HS3ST2: variants seen among roughly 807,000 people sequenced by gnomAD.
HS3ST2 encodes the protein heparan sulfate glucosamine 3-O-sulfotransferase 2.
In HS3ST2, 17 loss-of-function variants were observed where a neutral mutation model predicts 26.3. The observed-to-expected ratio is 0.65, with a 90% confidence interval of 0.44 to 0.97. The LOEUF (loss-of-function observed/expected upper bound fraction) is 0.97, where lower values mean the gene tolerates loss of function less well. Ranked by LOEUF, HS3ST2 falls within the 50% of genes least tolerant of loss-of-function variation. The pLI, the probability that HS3ST2 is intolerant of heterozygous loss-of-function variation, is 0.00. For missense variants in HS3ST2, 402 were observed against 501.2 expected (o/e 0.80, Z 1.89); for synonymous variants, 237 against 219.2 (o/e 1.08, Z -0.72).
intron 1 of HS3ST2, among the ~76,000 whole-genome samples, chr16:22,845,065 A>G (rs1013715726): frequency 2.0e-5 from 3 of 148,006 alleles, no homozygotes; most frequent in Non-Finnish European, 4.4e-5. Context: ...TGTGTTAGTT[A>G]GGATGGTCTG....
intron 1 of HS3ST2, among the ~76,000 whole-genome samples, chr16:22,894,736 A>T (rs1188377171): frequency 7.4e-6 from 1 of 135,772 alleles, no homozygotes; most frequent in Non-Finnish European, 1.6e-5. Context: ...TCCGTCTCTT[A>T]AAAAAAAAAA....
At chr16:22,816,786 C>G (rs778111526) in intron 1 of HS3ST2, among the ~76,000 whole-genome samples, 1 of 152,224 alleles carries the variant, frequency 6.6e-6, no homozygotes, top group South Asian at 2.1e-4. Context: ...TGACCACATT[C>G]GAATGCAGGC....
chr16:22,915,135 C>T lies in HS3ST2; in HGVS notation c.677C>T (p.Pro226Leu). ...TQTLSKKPDI[P>L]TFEGLSFRNR... ...ACACTCTCCAAGAAGCCCGACATCC[C>T]GACCTTTGAGGGCCTCTCCTTCCGC... Residue 226 changes from proline (P) to leucine (L), a missense_variant, in exon 2 of 2, where the codon CCG (proline) becomes CTG (leucine). This residue lies in a region of HS3ST2 where 237 missense variants were observed against 346.6 expected (regional missense o/e 0.68). Coordinates refer to ENST00000261374, the MANE Select transcript of HS3ST2 (RefSeq NM_006043.2). 6.2e-6 allele frequency: 10 copies of T among 1,614,090 alleles called. No individual in the cohort carries two copies. Among genetic ancestry groups the T allele is most frequent in the Non-Finnish European group, 8.5e-6 (10 of 1,179,994 alleles).
chr16:22,843,869 T>C (rs1165542529), intron 1 of HS3ST2, among the ~76,000 whole-genome samples: 3 of 152,158 alleles, frequency 2.0e-5, no homozygotes, highest in Non-Finnish European at 4.4e-5. Context: ...GTGGGGAAGA[T>C]TAGAGTCCTG....
rs1307389512 is a variant in HS3ST2, at chr16:22,864,885, A to AAAAAAAAG, written c.485+49797_485+49798insGAAAAAAA. 2.2e-4 allele frequency among the ~76,000 whole-genome samples: 32 copies of AAAAAAAAG among 144,470 alleles called. No homozygotes were observed. In the South Asian group the frequency reaches 3.0e-3, roughly 14 times the overall value. The allele number at this position is 144,470 out of a possible 152,430, so 94.8% of individuals were successfully genotyped here. ...ACATAGGGAGACCCTGTCTCCACAAAAAAAAAAAAAAAAAAAATAGCCGGG... is the reference window on the plus strand; with the variant it reads ...ACATAGGGAGACCCTGTCTCCACAAAAAAAAAAGAAAAAAAAAAAAAAAAATAGCCGGG... On this transcript the variant is annotated intron_variant, in intron 1 of 1. Coordinates refer to ENST00000261374, the MANE Select transcript of HS3ST2 (RefSeq NM_006043.2).
intron 1 of HS3ST2, among the ~76,000 whole-genome samples, chr16:22,824,916 A>G (rs755234579): frequency 5.5e-4 from 84 of 152,176 alleles, no homozygotes; most frequent in Non-Finnish European, 3.8e-4. Context: ...AGGCTGATGG[A>G]GAGATGAGTG....
chr16:22,887,767 C>T (rs1159318818), intron 1 of HS3ST2, among the ~76,000 whole-genome samples: 2 of 139,584 alleles, frequency 1.4e-5, no homozygotes, highest in Non-Finnish European at 3.0e-5. Flanking sequence ...GGCAATATAA[C>T]GAGACCCCAT....
rs558350204 is a variant in HS3ST2 at position 22,879,878 on chromosome 16, T to C, written c.486-35066T>C. Among the ~76,000 whole-genome samples the C allele has an allele frequency of 2.6e-5, 4 of 152,274 alleles. No individual in the cohort carries two copies. The East Asian group carries it at 7.7e-4, about 29-fold the overall frequency. ...GCCATCAAAGCATGGGGATTTTTCA[T>C]GACCATGAACCCCAGACTGGACACA... is the stretch of plus-strand genomic sequence containing the variant. On this transcript the variant is annotated intron_variant, in intron 1 of 1. Transcript: ENST00000261374.
At position 22,880,842 on chromosome 16, in the gene HS3ST2, TGCC is replaced by T. The variant is rs566733360; in HGVS notation, c.486-34101_486-34099del. On this transcript the variant is annotated intron_variant, in intron 1 of 1. Transcript: ENST00000261374. ...AGCTGTGAGGATTATGTAACCCAGG[TGCC>T]AATAGACACCTTTGCCAGTCACCTG... 8.3e-3 allele frequency among the ~76,000 whole-genome samples: 1,264 copies of T among 152,312 alleles called. 14 individuals are homozygous for T. Among genetic ancestry groups the T allele is most frequent in the African/African-American group, 0.028 (1,175 of 41,562 alleles).
rs1350618286 is a variant in HS3ST2 at position 22,814,749 on chromosome 16, AGCCGCCTCCTCGGCGCGCCTC to A, written c.142_162del (p.Arg48_Arg54del). The A allele has an allele frequency of 6.2e-7, 1 of 1,607,376 alleles. No individual in the cohort carries two copies. Among genetic ancestry groups the A allele is most frequent in the Non-Finnish European group, 8.5e-7 (1 of 1,177,900 alleles). ...GTGCTGCTGCGACGACCTGGGTCGG[AGCCGCCTCCTCGGCGCGCCTC>A]GCTGCCTCCGCGGCCCCAGCGCGGG... is the stretch of plus-strand genomic sequence containing the variant. On this transcript the variant is annotated inframe_deletion, in exon 1 of 2. Transcript: ENST00000261374.
At chr16:22,846,716 C>T (rs976449593) in intron 1 of HS3ST2, among the ~76,000 whole-genome samples, 1 of 152,158 alleles carries the variant, frequency 6.6e-6, no homozygotes, top group African/African-American at 2.4e-5. Context: ...AGCAATCTGA[C>T]ATTGCTGTCA....
At chr16:22,880,598 C>A (rs75565912) in intron 1 of HS3ST2, among the ~76,000 whole-genome samples, 2 of 152,140 alleles carry the variant, frequency 1.3e-5, no homozygotes, top group Non-Finnish European at 2.9e-5. Flanking sequence ...TCTAGGAAGC[C>A]TTTTGTGCCA....
At chr16:22,889,549 C>T (rs1365476630) in intron 1 of HS3ST2, among the ~76,000 whole-genome samples, 3 of 152,118 alleles carry the variant, frequency 2.0e-5, no homozygotes, top group Non-Finnish European at 4.4e-5. Context: ...ATTCGGGATG[C>T]TCAATTGGTA....
At chr16:22,843,052 G>C (rs1288572687) in intron 1 of HS3ST2, among the ~76,000 whole-genome samples, 1 of 151,970 alleles carries the variant, frequency 6.6e-6, no homozygotes, top group East Asian at 1.9e-4. Context: ...TTCTCTTTTT[G>C]ACATGTTGTG....
intron 1 of HS3ST2, among the ~76,000 whole-genome samples, chr16:22,830,275 G>A (rs208958): frequency 0.14 from 21,250 of 152,134 alleles, 1,943 homozygotes; most frequent in East Asian, 0.21. Context: ...ATTGGGTAGA[G>A]GTGCTCACAG....
At chr16:22,900,780 C>T (rs1227816639) in intron 1 of HS3ST2, among the ~76,000 whole-genome samples, 2 of 151,962 alleles carry the variant, frequency 1.3e-5, no homozygotes, top group Non-Finnish European at 2.9e-5. Flanking sequence ...GAAACATGAC[C>T]AAGATTCGAG....
At chr16:22,832,208 G>A (rs12918230) in intron 1 of HS3ST2, among the ~76,000 whole-genome samples, 17,990 of 148,358 alleles carry the variant, frequency 0.12, 1,216 homozygotes, top group South Asian at 0.21. Flanking sequence ...TGTTGCCCAA[G>A]CTGGTTTCAA....
intron 1 of HS3ST2, among the ~76,000 whole-genome samples, chr16:22,884,369 C>A (rs781766780): frequency 2.6e-5 from 4 of 152,146 alleles, no homozygotes; most frequent in African/African-American, 9.7e-5. Context: ...CTTTTAAACC[C>A]AGGTTCTTCT....
chr16:22,861,736 CAT>C (rs1901677037), intron 1 of HS3ST2, among the ~76,000 whole-genome samples: 1 of 152,194 alleles, frequency 6.6e-6, no homozygotes, highest in Non-Finnish European at 1.5e-5. Context: ...TCCGGCATCT[CAT>C]GTGATATGGC....
Sources: gnomAD v4.1 joint callset for allele counts (sites outside exome capture counted in the v4.1 genomes callset) on GRCh38, gnomAD v4.1.1 for gene constraint, gnomAD v4.1.1 regional missense constraint, MANE v1.5 for transcripts, NCBI Gene and HGNC (gene_info 2026-07-23, HGNC 2026-07-21) for gene names.